SLC15A5: variants seen among roughly 807,000 people sequenced by gnomAD.
SLC15A5 encodes Peptide/histidine transporter ENSP00000340402.
A neutral mutation model predicts 56.1 loss-of-function variants in SLC15A5; 58 were observed. The ratio of observed to expected loss-of-function variants is 1.03; its 90% CI spans 0.84 to 1.29. The LOEUF (loss-of-function observed/expected upper bound fraction) is 1.29, where lower values mean the gene tolerates loss of function less well. Ranked by LOEUF, SLC15A5 falls within the 50% of genes most tolerant of loss-of-function variation. SLC15A5 has a pLI of 0.00. For synonymous variants in SLC15A5, 264 were observed against 250.5 expected (o/e 1.05, Z -0.51); for missense variants, 681 against 672.1 (o/e 1.01, Z -0.15).
intron 3 of SLC15A5, among the ~76,000 whole-genome samples, chr12:16,256,567 A>G (rs1342992685): frequency 6.6e-6 from 1 of 152,208 alleles, no homozygotes; most frequent in East Asian, 1.9e-4. Context: ...TTTAAAAAAT[A>G]ATAAATTAGG....
chr12:16,266,375 T>G (rs1054167822), intron 2 of SLC15A5, among the ~76,000 whole-genome samples: 1 of 152,208 alleles, frequency 6.6e-6, no homozygotes, highest in Non-Finnish European at 1.5e-5. Flanking sequence ...TGATGTAAAC[T>G]GCATTGCTCT....
intron 7 of SLC15A5, among the ~76,000 whole-genome samples, chr12:16,205,585 A>G (rs1864009567): frequency 7.5e-5 from 1 of 13,290 alleles, no homozygotes; most frequent in Non-Finnish European, 1.6e-4. Context: ...AGGTGCATAT[A>G]TATATACATA....
In SLC15A5 at chr12:16,196,391, CATGT is replaced by C. The variant is rs900589993; in HGVS notation, c.1484-1942_1484-1939del. On this transcript the variant is annotated intron_variant, in intron 7 of 8. Transcript: ENST00000344941. This position sits in a 1 kb window ranked among gnomAD's most constrained non-coding sequence, Gnocchi z 4.0. Reference sequence around the variant, plus strand: ...GTATATGTGTGCTTTTGTGTGTGTGCATGTGTGTGTGTGTGCCCGTGCATGTGTG... The same window carrying C: ...GTATATGTGTGCTTTTGTGTGTGTGCGTGTGTGTGTGCCCGTGCATGTGTG... Among the ~76,000 whole-genome samples, 4 of 151,624 alleles carry C rather than the reference CATGT, an allele frequency of 2.6e-5. No homozygotes were observed. The highest frequency in any genetic ancestry group is 9.7e-5 in the African/African-American group (4 of 41,364).
intron 5 of SLC15A5, among the ~76,000 whole-genome samples, chr12:16,233,168 A>AT (rs1157686949): frequency 2.0e-5 from 3 of 152,068 alleles, no homozygotes; most frequent in East Asian, 1.9e-4. Flanking sequence ...ATGCACTTTT[A>AT]TTTTTTTGAT....
At chr12:16,213,219 G>A (rs780386140) in intron 7 of SLC15A5, among the ~76,000 whole-genome samples, 24 of 152,148 alleles carry the variant, frequency 1.6e-4, no homozygotes, top group Non-Finnish European at 2.8e-4. Flanking sequence ...GACTGGGATA[G>A]TTTGTCTATA....
rs112686238 is a variant in SLC15A5 at position 16,272,840 on chromosome 12, T to C, written c.362-57A>G. Reference sequence around the variant, plus strand: ...AGCATAGAACAAGTGGATCACCAAATCACATTTTAAACAGGGTTTTTCTCT... The same window carrying C: ...AGCATAGAACAAGTGGATCACCAAACCACATTTTAAACAGGGTTTTTCTCT... On this transcript the variant is annotated intron_variant, in intron 1 of 8. Transcript: ENST00000344941. 12 of 1,427,294 alleles carry C rather than the reference T, an allele frequency of 8.4e-6. 1 individual carries two copies. The African/African-American group carries it at 8.5e-5, about 10-fold the overall frequency. 88.4% of individuals were successfully genotyped at this position (1,427,294 alleles called of 1,614,324 possible).
At chr12:16,199,031 G>T (rs1863923354) in intron 7 of SLC15A5, among the ~76,000 whole-genome samples, 1 of 151,904 alleles carries the variant, frequency 6.6e-6, no homozygotes, top group Admixed American at 6.6e-5. Flanking sequence ...AGCCAGGCCA[G>T]CTGCACTCCA....
At chr12:16,223,622 T>A (rs921599324) in intron 6 of SLC15A5, among the ~76,000 whole-genome samples, 2 of 152,154 alleles carry the variant, frequency 1.3e-5, no homozygotes, top group African/African-American at 4.8e-5. Flanking sequence ...TTCAAAGACA[T>A]CAAGTTATCT....
At chr12:16,221,840 AG>A (rs1410660123) in intron 6 of SLC15A5, among the ~76,000 whole-genome samples, 2 of 152,018 alleles carry the variant, frequency 1.3e-5, no homozygotes, top group Admixed American at 6.6e-5. Flanking sequence ...TATATTTCAG[AG>A]TAAAAATGAG....
chr12:16,256,868 A>AT (rs1555173293), intron 3 of SLC15A5, among the ~76,000 whole-genome samples: 40 of 147,942 alleles, frequency 2.7e-4, no homozygotes, highest in African/African-American at 6.3e-4. Flanking sequence ...CAAAAAAAAA[A>AT]AATAATAATA....
rs1415709855 is a variant in SLC15A5, at chr12:16,235,108, G to A, written c.1162+4573C>T. ...TCATAAAGACAGCTATAATTTTATT[G>A]TCTTATGTATCTGCTGCCTTTGGGG... On this transcript the variant is annotated intron_variant, in intron 5 of 8. Transcript: ENST00000344941. This position sits in a 1 kb window ranked among gnomAD's most constrained non-coding sequence, Gnocchi z 4.1. 2.0e-5 allele frequency among the ~76,000 whole-genome samples: 3 copies of A among 151,796 alleles called. No individual in the cohort carries two copies. The highest frequency in any genetic ancestry group is 4.8e-5 in the African/African-American group (2 of 41,384).
chr12:16,231,790 A>C (rs1285194141), intron 5 of SLC15A5, among the ~76,000 whole-genome samples: 1 of 152,242 alleles, frequency 6.6e-6, no homozygotes, highest in Non-Finnish European at 1.5e-5. Flanking sequence ...TTGAATGATG[A>C]GACATCCTCC....
intron 6 of SLC15A5, among the ~76,000 whole-genome samples, chr12:16,221,067 C>T (rs978230309): frequency 2.6e-5 from 4 of 151,870 alleles, no homozygotes; most frequent in African/African-American, 9.7e-5. Context: ...CACTGTGTTT[C>T]CTTGCTCAAT....
intron 6 of SLC15A5, among the ~76,000 whole-genome samples, chr12:16,218,883 G>A (rs549986775): frequency 6.6e-6 from 1 of 152,172 alleles, no homozygotes; most frequent in African/African-American, 2.4e-5. Flanking sequence ...ATACTTTGCT[G>A]CAGCAAAACT....
rs78567833 is a variant in SLC15A5, at chr12:16,214,167, A to G, written c.1483+2726T>C. Among the ~76,000 whole-genome samples the G allele has an allele frequency of 1.6e-3, 238 of 152,364 alleles. 3 individuals are homozygous for G. In the East Asian group the frequency reaches 0.04, roughly 26 times the overall value. On this transcript the variant is annotated intron_variant, in intron 7 of 8. Coordinates refer to ENST00000344941, the MANE Select transcript of SLC15A5 (RefSeq NM_001170798.1). Reference sequence around the variant, plus strand: ...ATGTAAGGTTGTTGTAATAAATGCAATAATGCATGTAAAAGCTCCTACTAT... The same window carrying G: ...ATGTAAGGTTGTTGTAATAAATGCAGTAATGCATGTAAAAGCTCCTACTAT...
intron 7 of SLC15A5, among the ~76,000 whole-genome samples, chr12:16,215,775 C>G (rs1864125653): frequency 6.6e-6 from 1 of 152,200 alleles, no homozygotes. Flanking sequence ...AGTCGTCAGT[C>G]AAGGATTAGT....
chr12:16,238,426 G>A (rs1223827951), intron 5 of SLC15A5, among the ~76,000 whole-genome samples: 1 of 151,928 alleles, frequency 6.6e-6, no homozygotes, highest in East Asian at 1.9e-4. Flanking sequence ...AGGAGATTGA[G>A]ACCATCCTGG....
At chr12:16,238,878 T>C (rs1430614915) in intron 5 of SLC15A5, among the ~76,000 whole-genome samples, 1 of 152,212 alleles carries the variant, frequency 6.6e-6, no homozygotes, top group African/African-American at 2.4e-5. Context: ...TTGCTATGTG[T>C]CTGGACTACG....
At position 16,196,225 on chromosome 12, in the gene SLC15A5, G is replaced by A. The variant is rs1394320417; in HGVS notation, c.1484-1772C>T. Among the ~76,000 whole-genome samples, 1 of 151,868 alleles carries A rather than the reference G, an allele frequency of 6.6e-6. No individual in the cohort carries two copies. The highest frequency in any genetic ancestry group is 2.4e-5 in the African/African-American group (1 of 41,352). ...TGGTTCCACTTTACCATTTTATTTGGGTTCTATTATAATGAAAATTTATGG... is the reference window on the plus strand; with the variant it reads ...TGGTTCCACTTTACCATTTTATTTGAGTTCTATTATAATGAAAATTTATGG... On this transcript the variant is annotated intron_variant, in intron 7 of 8. Coordinates refer to ENST00000344941, the MANE Select transcript of SLC15A5 (RefSeq NM_001170798.1). The surrounding 1 kb of genome is among the most constrained non-coding windows in gnomAD (Gnocchi z 4.0).
Sources: allele counts gnomAD v4.1 joint callset (sites outside exome capture counted in the v4.1 genomes callset), GRCh38; gene constraint gnomAD v4.1.1; non-coding constraint Gnocchi (gnomAD v3.1); transcripts MANE v1.5; gene names NCBI Gene and HGNC (gene_info 2026-07-23, HGNC 2026-07-21).